SLC24A2: variants seen among roughly 807,000 people sequenced by gnomAD.
SLC24A2 encodes the protein solute carrier family 24 member 2.
In SLC24A2, 36 loss-of-function variants were observed where a neutral mutation model predicts 62.0. The ratio of observed to expected loss-of-function variants is 0.58; its 90% CI spans 0.44 to 0.77. SLC24A2 has a LOEUF of 0.77. SLC24A2 is among the 30% of genes least tolerant of loss of function. The probability of loss-of-function intolerance (pLI) is 0.00; values close to 1 mark genes in which losing one functional copy is unlikely to be tolerated. For synonymous variants in SLC24A2, 358 were observed against 294.0 expected, an observed-to-expected ratio of 1.22 and a Z score of -2.23; for missense variants, 846 against 817.9, an observed-to-expected ratio of 1.03 and a Z score of -0.42.
the SLC24A2 span, among the ~76,000 whole-genome samples, chr9:20,238,526 G>T: frequency 6.6e-6 from 1 of 152,192 alleles, no homozygotes; most frequent in African/African-American, 2.4e-5. Flanking sequence ...TAAAAATTAA[G>T]TTAGTCAGAA....
intron 2 of SLC24A2, among the ~76,000 whole-genome samples, chr9:19,666,031 A>C (rs1819243461): frequency 6.6e-6 from 1 of 152,158 alleles, no homozygotes; most frequent in Admixed American, 6.5e-5. Flanking sequence ...GTATGCAAAT[A>C]ATCAGAGGTT....
chr9:19,900,386 T>C, the SLC24A2 span, among the ~76,000 whole-genome samples: 1 of 152,334 alleles, frequency 6.6e-6, no homozygotes, highest in Non-Finnish European at 1.5e-5. Context: ...AGATATCTAC[T>C]ACTCCAAATA....
At chr9:20,266,075 A>C in the SLC24A2 span, among the ~76,000 whole-genome samples, 2 of 152,216 alleles carry the variant, frequency 1.3e-5, no homozygotes, top group African/African-American at 4.8e-5. Flanking sequence ...AAACTTCATT[A>C]GCAATTTTAA....
chr9:19,743,347 G>T (rs750522967), intron 2 of SLC24A2, among the ~76,000 whole-genome samples: 2 of 152,096 alleles, frequency 1.3e-5, no homozygotes, highest in Admixed American at 1.3e-4. Flanking sequence ...TTAATTAGCT[G>T]CTTTTTAAGG....
At chr9:20,252,654 T>C in the SLC24A2 span, among the ~76,000 whole-genome samples, 18 of 152,214 alleles carry the variant, frequency 1.2e-4, no homozygotes, top group African/African-American at 4.3e-4. Context: ...AGCAGGCTGA[T>C]GGTAAGAAAC....
At chr9:19,940,097 G>T in the SLC24A2 span, among the ~76,000 whole-genome samples, 1 of 152,248 alleles carries the variant, frequency 6.6e-6, no homozygotes, top group Non-Finnish European at 1.5e-5. Context: ...GGAAGTGAAA[G>T]TGCAGAGTAA....
chr9:19,838,960 A>G, the SLC24A2 span, among the ~76,000 whole-genome samples: 1 of 152,196 alleles, frequency 6.6e-6, no homozygotes, highest in South Asian at 2.1e-4. Flanking sequence ...GGCAACCTAC[A>G]GAATGGGAGA....
At chr9:20,019,095 AAGAAAGAT>A in the SLC24A2 span, among the ~76,000 whole-genome samples, 3,423 of 44,154 alleles carry the variant, frequency 0.078, 173 homozygotes, top group Admixed American at 0.11. Flanking sequence ...GAAAGAAAGA[AAGAAAGAT>A]AGAAAGAAAG....
chr9:19,767,768 A>G lies in SLC24A2; in HGVS notation c.930+18169T>C, dbSNP rs142909031. 5.6e-3 allele frequency among the ~76,000 whole-genome samples: 856 copies of G among 152,298 alleles called. 7 individuals are homozygous for G. The highest frequency in any genetic ancestry group is 0.02 in the African/African-American group (814 of 41,572). On this transcript the variant is annotated intron_variant, in intron 2 of 10. Coordinates refer to ENST00000341998, the MANE Select transcript of SLC24A2 (RefSeq NM_020344.4). ...ATTCAGCCAACTTGACCAGGAACTT[A>G]TCTGTAAAATCTCTTACTTTTAAAA...
chr9:19,716,621 T>C (rs1353805225), intron 2 of SLC24A2, among the ~76,000 whole-genome samples: 2 of 152,196 alleles, frequency 1.3e-5, no homozygotes, highest in African/African-American at 4.8e-5. Context: ...AGGCCAATCA[T>C]ATCTTAAGAG....
At chr9:19,693,812 C>A (rs1044698709) in intron 2 of SLC24A2, among the ~76,000 whole-genome samples, 1 of 151,922 alleles carries the variant, frequency 6.6e-6, no homozygotes, top group South Asian at 2.1e-4. Context: ...TTAAAAATAA[C>A]TTCTTCCCTT....
At chr9:19,905,236 C>G in the SLC24A2 span, among the ~76,000 whole-genome samples, 2 of 152,084 alleles carry the variant, frequency 1.3e-5, no homozygotes, top group Non-Finnish European at 2.9e-5. Flanking sequence ...CTGTCTCTTA[C>G]TTCATCAAGG....
At chr9:20,066,384 G>T in the SLC24A2 span, among the ~76,000 whole-genome samples, 1 of 152,142 alleles carries the variant, frequency 6.6e-6, no homozygotes, top group South Asian at 2.1e-4. Flanking sequence ...GGAGAGAGAA[G>T]AAAGATCACA....
chr9:19,855,106 C>T, the SLC24A2 span, among the ~76,000 whole-genome samples: 1 of 152,006 alleles, frequency 6.6e-6, no homozygotes, highest in African/African-American at 2.4e-5. Flanking sequence ...AAACTAAGAT[C>T]ATGACCTCTG....
Position 19,513,961 on chromosome 9 carries a change from C to T in SLC24A2, c.*2192G>A, listed in dbSNP as rs936202773. ...TTCCCATTAGGTGGCAGGTTCCACTCAGCGCCTCTATTGGATGGTGTTTCA... is the reference window on the plus strand; with the variant it reads ...TTCCCATTAGGTGGCAGGTTCCACTTAGCGCCTCTATTGGATGGTGTTTCA... On this transcript the variant is annotated 3_prime_UTR_variant, in exon 11 of 11. Transcript: ENST00000341998. 1 of 152,166 alleles carries T rather than the reference C, an allele frequency of 6.6e-6. No homozygotes were observed. Among genetic ancestry groups the T allele is most frequent in the African/African-American group, 2.4e-5 (1 of 41,446 alleles). 9.4% of individuals were successfully genotyped at this position (152,166 alleles called of 1,614,324 possible). A position where few individuals can be genotyped will look rare whatever the true frequency, so the allele number is the denominator to read the frequency against.
At chr9:19,826,168 C>A in the SLC24A2 span, among the ~76,000 whole-genome samples, 7 of 64,722 alleles carry the variant, frequency 1.1e-4, no homozygotes, top group Admixed American at 2.3e-4. Context: ...AAGAATGATG[C>A]ATTGCAAAAA....
At chr9:20,268,049 C>T in the SLC24A2 span, among the ~76,000 whole-genome samples, 1 of 152,190 alleles carries the variant, frequency 6.6e-6, no homozygotes, top group Non-Finnish European at 1.5e-5. Context: ...TGCTATTTAG[C>T]TCCTTTGCCT....
the SLC24A2 span, among the ~76,000 whole-genome samples, chr9:20,019,103 TAGAAAGAAAGAAAGAA>T: frequency 0.059 from 4,970 of 84,700 alleles, 134 homozygotes; most frequent in African/African-American, 0.075. Flanking sequence ...GAAAGAAAGA[TAGAAAGAAAGAAAGAA>T]AGAAAGAAAG....
chr9:19,573,668 T>A (rs1835920336), intron 6 of SLC24A2, among the ~76,000 whole-genome samples, 199 bp from the exon 7 acceptor site: 1 of 152,054 alleles, frequency 6.6e-6, no homozygotes, highest in Non-Finnish European at 1.5e-5. Context: ...GGGCTGATAT[T>A]GAGCCAAGCG....
Sources: gnomAD v4.1 joint callset for allele counts (sites outside exome capture counted in the v4.1 genomes callset) on GRCh38, gnomAD v4.1.1 for gene constraint, MANE v1.5 for transcripts, NCBI Gene and HGNC (gene_info 2026-07-23, HGNC 2026-07-21) for gene names.